ACACA: variants seen among roughly 807,000 people sequenced by gnomAD.
ACACA encodes the protein acetyl-CoA carboxylase 1.
A neutral mutation model predicts 296.1 loss-of-function variants in ACACA; 103 were observed. That is an observed-to-expected ratio of 0.35 (90% CI 0.30 to 0.41). ACACA has a LOEUF of 0.41. Among genes scored for constraint, ACACA ranks in the 10% least tolerant of loss-of-function variants. The pLI, the probability that ACACA is intolerant of heterozygous loss-of-function variation, is 1.00. For synonymous variants in ACACA, 953 were observed against 1,038.6 expected, an observed-to-expected ratio of 0.92 and a Z score of 1.58; for missense variants, 1,554 against 2,989.7, an observed-to-expected ratio of 0.52 and a Z score of 11.20.
intron 10 of ACACA, among the ~76,000 whole-genome samples, chr17:37,266,899 T>G (rs562876788): frequency 1.3e-5 from 2 of 152,270 alleles, no homozygotes; most frequent in South Asian, 2.1e-4. Flanking sequence ...ACATGGATCT[T>G]TTTTCCAGAC....
intron 1 of ACACA, among the ~76,000 whole-genome samples, chr17:37,394,624 C>G (rs1281032393): frequency 1.3e-5 from 2 of 151,012 alleles, no homozygotes; most frequent in Non-Finnish European, 3.0e-5. Context: ...CGCCTGTAAC[C>G]CCAGCACTTT....
chr17:37,318,074 G>T (rs956170900), intron 3 of ACACA, among the ~76,000 whole-genome samples: 4 of 152,114 alleles, frequency 2.6e-5, no homozygotes, highest in African/African-American at 7.2e-5. Flanking sequence ...AAAGCTAAAT[G>T]AGAAATGCTA....
intron 27 of ACACA, among the ~76,000 whole-genome samples, chr17:37,224,521 A>C (rs2079445923): frequency 6.6e-6 from 1 of 152,186 alleles, no homozygotes; most frequent in African/African-American, 2.4e-5. Context: ...GCTTCTTATA[A>C]AGCTTAATAA....
At chr17:37,266,606 C>A (rs942628483) in intron 10 of ACACA, among the ~76,000 whole-genome samples, 2 of 152,048 alleles carry the variant, frequency 1.3e-5, no homozygotes, top group Non-Finnish European at 2.9e-5. Flanking sequence ...TTTTACTTTG[C>A]AAATCTTTTG....
chr17:37,183,626 A>G (rs1480213648), intron 39 of ACACA, among the ~76,000 whole-genome samples: 1 of 151,970 alleles, frequency 6.6e-6, no homozygotes, highest in Non-Finnish European at 1.5e-5. Flanking sequence ...CAGGAGATCG[A>G]GACCATCCTG....
At position 37,228,206 on chromosome 17, in the gene ACACA, CTTTTTTTTT is replaced by C. The variant is rs11299899; in HGVS notation, c.3247-1763_3247-1755del. Among the ~76,000 whole-genome samples the C allele has an allele frequency of 1.2e-4, 13 of 106,064 alleles. No individual in the cohort carries two copies. In the East Asian group the frequency reaches 3.5e-3, roughly 29 times the overall value. The allele number at this position is 106,064 out of a possible 152,430, so 69.6% of individuals were successfully genotyped here. A position where few individuals can be genotyped will look rare whatever the true frequency, so the allele number is the denominator to read the frequency against. Reference sequence around the variant, plus strand: ...TTATGCTGGGAAGGTTTCTCAAACCCTTTTTTTTTTTTTTTTTTTTTTTTGAGAAAATGA... The same window carrying C: ...TTATGCTGGGAAGGTTTCTCAAACCCTTTTTTTTTTTTTTTGAGAAAATGA... On this transcript the variant is annotated intron_variant, in intron 25 of 55. Coordinates refer to ENST00000616317, the MANE Select transcript of ACACA (RefSeq NM_198834.3).
intron 54 of ACACA, 99 bp from the exon 55 acceptor site, chr17:37,089,173 G>GC: frequency 6.5e-7 from 1 of 1,543,922 alleles, no homozygotes; most frequent in Non-Finnish European, 8.9e-7. Flanking sequence ...CCAAAAGTGT[G>GC]CTCCGTGTCC....
rs1176259353 is a variant in ACACA at position 37,085,986 on chromosome 17, T to C, written c.*1330A>G. ...GGAACAGAGGAATCAGTAAGTTCTT[T>C]TCTTGAATAAACTAGTTGTTGAAAG... On this transcript the variant is annotated 3_prime_UTR_variant, in exon 56 of 56. Transcript: ENST00000616317. The C allele has an allele frequency of 5.0e-6, 2 of 397,470 alleles. No homozygotes were observed. The highest frequency in any genetic ancestry group is 4.4e-6 in the Non-Finnish European group (1 of 225,754). The allele number at this position is 397,470 out of a possible 1,614,324, so 24.6% of individuals were successfully genotyped here.
rs575117941 is a variant in ACACA, at chr17:37,383,858, AC to A, written c.38+22403del. Among the ~76,000 whole-genome samples the A allele has an allele frequency of 3.9e-5, 6 of 152,304 alleles. No homozygotes were observed. In the East Asian group the frequency reaches 1.2e-3, roughly 29 times the overall value. The stretch of plus-strand genomic sequence containing the variant: ...GAGCCACCTCACTTGGTCCAAAACA[AC>A]CAATTTATGTATGAACTTTTGAAAC... On this transcript the variant is annotated intron_variant, in intron 1 of 55. Transcript: ENST00000616317.
chr17:37,124,510 G>T (rs1271820159), intron 48 of ACACA, among the ~76,000 whole-genome samples: 1 of 152,174 alleles, frequency 6.6e-6, no homozygotes, highest in Non-Finnish European at 1.5e-5. Flanking sequence ...CAAAAAAGTT[G>T]GTCTTAGTGT....
chr17:37,127,168 C>T (rs1247745278), intron 47 of ACACA, among the ~76,000 whole-genome samples: 2 of 152,178 alleles, frequency 1.3e-5, no homozygotes, highest in South Asian at 2.1e-4. Flanking sequence ...CCCACCTACA[C>T]ACACATACTT....
At chr17:37,090,393 G>C (rs757640285) in intron 54 of ACACA, among the ~76,000 whole-genome samples, 10 of 152,142 alleles carry the variant, frequency 6.6e-5, no homozygotes, top group Admixed American at 2.0e-4. Context: ...AAAGATGAAG[G>C]CTTCCGGGGA....
intron 3 of ACACA, among the ~76,000 whole-genome samples, chr17:37,290,782 C>T (rs1035127957): frequency 6.6e-6 from 1 of 152,038 alleles, no homozygotes. Flanking sequence ...TCTTGGGCCA[C>T]GTATAAAATA....
chr17:37,130,590 TA>T lies in ACACA; in HGVS notation c.5680-373del, dbSNP rs5820207. On this transcript the variant is annotated intron_variant, in intron 45 of 55. Transcript: ENST00000616317. ...GTATAATAAAAATAAAATAAAAAAT[TA>T]AAAAAAAAACAAAAAATACTTTTAA... is the stretch of plus-strand genomic sequence containing the variant. Among the ~76,000 whole-genome samples, 44 of 146,970 alleles carry T rather than the reference TA, an allele frequency of 3.0e-4. 1 individual carries two copies. Among genetic ancestry groups the T allele is most frequent in the Non-Finnish European group, 4.7e-4 (31 of 66,316 alleles).
At chr17:37,214,372 C>T (rs1287264546) in intron 29 of ACACA, among the ~76,000 whole-genome samples, 2 of 152,206 alleles carry the variant, frequency 1.3e-5, no homozygotes, top group South Asian at 2.1e-4. Flanking sequence ...TTACTTCATT[C>T]ATTTGCAGCC....
intron 49 of ACACA, among the ~76,000 whole-genome samples, chr17:37,121,890 C>A (rs1264280670): frequency 5.3e-5 from 8 of 152,170 alleles, no homozygotes; most frequent in Non-Finnish European, 8.8e-5. Flanking sequence ...AACAAATAGA[C>A]AATTGACGTC....
At chr17:37,267,984 C>T (rs2081871264) in intron 10 of ACACA, among the ~76,000 whole-genome samples, 2 of 152,094 alleles carry the variant, frequency 1.3e-5, no homozygotes, top group African/African-American at 2.4e-5. Context: ...TGGTCTTGAA[C>T]CCCTGATATT....
chr17:37,294,142 CA>C (rs2083216221), intron 3 of ACACA, among the ~76,000 whole-genome samples: 1 of 149,888 alleles, frequency 6.7e-6, no homozygotes, highest in African/African-American at 2.4e-5. Context: ...AAAAGGCACA[CA>C]AACCAAGATC....
chr17:37,319,000 A>T (rs972836329), intron 3 of ACACA, among the ~76,000 whole-genome samples: 5 of 152,204 alleles, frequency 3.3e-5, no homozygotes, highest in Admixed American at 3.3e-4. Context: ...TTGCTCTGTA[A>T]CTATAAAAAG....
Sources: gnomAD v4.1 joint callset for allele counts (sites outside exome capture counted in the v4.1 genomes callset) on GRCh38, gnomAD v4.1.1 for gene constraint, MANE v1.5 for transcripts, NCBI Gene and HGNC (gene_info 2026-07-23, HGNC 2026-07-21) for gene names.